Variants in DCT observed in about 807,000 individuals in gnomAD.
The protein encoded by DCT is L-dopachrome tautomerase.
DCT carries 47 observed loss-of-function variants against 53.0 expected under a neutral mutation model. That is an observed-to-expected ratio of 0.89 (90% confidence interval 0.70 to 1.13). DCT has a LOEUF of 1.13. DCT is among the 50% of genes most tolerant of loss of function. The pLI, the probability that DCT is intolerant of heterozygous loss-of-function variation, is 0.00. For missense variants in DCT, 669 were observed against 637.4 expected (o/e 1.05, Z -0.53); for synonymous variants, 244 against 237.0 (o/e 1.03, Z -0.27).
At chr13:94,508,556 TA>T in the DCT span, among the ~76,000 whole-genome samples, 1 of 152,186 alleles carries the variant, frequency 6.6e-6, no homozygotes, top group African/African-American at 2.4e-5. Flanking sequence ...AACCTTGTCA[TA>T]AAAATGAAAC....
the DCT span, among the ~76,000 whole-genome samples, chr13:94,516,461 T>C: frequency 2.2e-4 from 34 of 152,238 alleles, no homozygotes; most frequent in African/African-American, 8.2e-4. Context: ...TCATTTGCAA[T>C]GGGGGAAAAA....
intron 1 of DCT, among the ~76,000 whole-genome samples, chr13:94,472,163 C>T (rs558439169): frequency 1.3e-5 from 2 of 152,192 alleles, no homozygotes; most frequent in Admixed American, 1.3e-4. Flanking sequence ...GAAGACTACT[C>T]TTATTTTCTT....
chr13:94,517,769 C>G, the DCT span, among the ~76,000 whole-genome samples: 1 of 152,094 alleles, frequency 6.6e-6, no homozygotes, highest in East Asian at 1.9e-4. Context: ...AGGCAAAGAT[C>G]GGAATGATGC....
chr13:94,443,349 T>C (rs1882478241), intron 7 of DCT, 87 bp downstream of exon 7: 2 of 1,097,692 alleles, frequency 1.8e-6, no homozygotes, highest in African/African-American at 3.1e-5. Context: ...GCTAAAGGTC[T>C]TGGTTTACAT....
the DCT span, among the ~76,000 whole-genome samples, chr13:94,531,251 A>G: frequency 6.6e-6 from 1 of 152,242 alleles, no homozygotes; most frequent in Admixed American, 6.5e-5. Flanking sequence ...ATCCCCATCA[A>G]GCTACCACGG....
chr13:94,447,598 T>C (rs973283536), intron 6 of DCT, among the ~76,000 whole-genome samples: 1 of 152,116 alleles, frequency 6.6e-6, no homozygotes, highest in South Asian at 2.1e-4. Context: ...ATAAGAAAAA[T>C]TGATTTTGAA....
chr13:94,448,060 C>A (rs1882845348), intron 6 of DCT, among the ~76,000 whole-genome samples: 1 of 152,062 alleles, frequency 6.6e-6, no homozygotes, highest in African/African-American at 2.4e-5. Context: ...CCAGCCCCAG[C>A]AACAGAGTGA....
At chr13:94,547,980 A>ATATATATATATATAT in the DCT span, among the ~76,000 whole-genome samples, 2 of 99,190 alleles carry the variant, frequency 2.0e-5, no homozygotes, top group African/African-American at 1.6e-4. Flanking sequence ...AAAAAAAAAA[A>ATATATATATATATAT]AAAAATATAT....
At chr13:94,489,282 T>C in the DCT span, among the ~76,000 whole-genome samples, 20 of 152,076 alleles carry the variant, frequency 1.3e-4, no homozygotes, top group Non-Finnish European at 1.5e-4. Flanking sequence ...TTCCTGGAAG[T>C]ATTAAAAAGA....
chr13:94,494,224 G>A, the DCT span, among the ~76,000 whole-genome samples: 1 of 152,110 alleles, frequency 6.6e-6, no homozygotes, highest in African/African-American at 2.4e-5. Context: ...TTTAACATCT[G>A]CCTTCTGTGC....
At chr13:94,456,839 C>A (rs553319586) in intron 6 of DCT, among the ~76,000 whole-genome samples, 1 of 152,328 alleles carries the variant, frequency 6.6e-6, no homozygotes, top group Non-Finnish European at 1.5e-5. Flanking sequence ...TCCAGAAAAA[C>A]AAACTTCTGG....
intron 5 of DCT, among the ~76,000 whole-genome samples, chr13:94,461,104 T>C (rs1366668553): frequency 6.6e-6 from 1 of 152,198 alleles, no homozygotes; most frequent in African/African-American, 2.4e-5. Flanking sequence ...TGAATTAGTT[T>C]TTCATTGTGA....
chr13:94,525,381 C>T, the DCT span, among the ~76,000 whole-genome samples: 1 of 152,124 alleles, frequency 6.6e-6, no homozygotes, highest in African/African-American at 2.4e-5. Context: ...GAATTACAGG[C>T]CTGAGGCACC....
At chr13:94,524,452 C>A in the DCT span, among the ~76,000 whole-genome samples, 1 of 152,190 alleles carries the variant, frequency 6.6e-6, no homozygotes, top group Non-Finnish European at 1.5e-5. Flanking sequence ...CCAGCCCAGA[C>A]CCTCCCTGGC....
At chr13:94,440,456 A>G (rs1358278245) in intron 7 of DCT, among the ~76,000 whole-genome samples, 5 of 152,070 alleles carry the variant, frequency 3.3e-5, no homozygotes, top group Admixed American at 3.3e-4. Flanking sequence ...GGGAAGAGAA[A>G]TTCTGCTATT....
the DCT span, among the ~76,000 whole-genome samples, chr13:94,517,647 G>T: frequency 1.3e-5 from 2 of 152,082 alleles, no homozygotes; most frequent in African/African-American, 4.8e-5. Context: ...GATGGGGAGA[G>T]TATCCTTGGA....
At chr13:94,478,155 C>T (rs1007888145) in intron 1 of DCT, among the ~76,000 whole-genome samples, 3 of 122,562 alleles carry the variant, frequency 2.4e-5, no homozygotes, top group African/African-American at 9.0e-5. Context: ...AACCCCCCGC[C>T]CGCCCCCCCC....
At chr13:94,513,806 G>A in the DCT span, among the ~76,000 whole-genome samples, 6 of 151,900 alleles carry the variant, frequency 3.9e-5, no homozygotes, top group Non-Finnish European at 8.8e-5. Flanking sequence ...GACCAACATG[G>A]TGAAATCTCG....
the DCT span, among the ~76,000 whole-genome samples, chr13:94,489,749 A>G: frequency 8.1e-6 from 1 of 123,226 alleles, no homozygotes; most frequent in Admixed American, 8.1e-5. Context: ...TTTTGATTCT[A>G]GGAATGATTA....
Sources: allele counts gnomAD v4.1 joint callset (sites outside exome capture counted in the v4.1 genomes callset), GRCh38; gene constraint gnomAD v4.1.1; transcripts MANE v1.5; gene names NCBI Gene and HGNC (gene_info 2026-07-23, HGNC 2026-07-21).